HEATR5A: variants seen among roughly 807,000 people sequenced by gnomAD.
HEATR5A encodes the protein HEAT repeat containing 5A.
A neutral mutation model predicts 218.8 loss-of-function variants in HEATR5A; 178 were observed. That is an observed-to-expected ratio of 0.81 (90% confidence interval 0.72 to 0.92). HEATR5A has a LOEUF of 0.92. Among genes scored for constraint, HEATR5A ranks in the 40% least tolerant of loss-of-function variants. HEATR5A has a pLI of 0.00. For synonymous variants in HEATR5A, 864 were observed against 871.6 expected, an observed-to-expected ratio of 0.99 and a Z score of 0.15; for missense variants, 2,420 against 2,418.9, an observed-to-expected ratio of 1.00 and a Z score of -0.01.
Position 31,296,028 on chromosome 14 carries a change from G to C in HEATR5A, c.5500C>G (p.Leu1834Val). Residue 1834 changes from leucine (L) to valine (V), a missense_variant, in exon 34 of 36, where the codon CTA becomes GTA. By Grantham distance (32) the Leu-to-Val change is conservative. Coordinates refer to ENST00000543095, the MANE Select transcript of HEATR5A (RefSeq NM_015473.4). ...ETHQELDEVS[L>V]LTAITVFILS... The stretch of plus-strand genomic sequence containing the variant: ...ATAAACACTGTGATAGCAGTAAGTA[G>C]ACTGACTTCATCAAGTTCTTGGTGT... 1 of 1,613,374 alleles carries C rather than the reference G, an allele frequency of 6.2e-7. No individual in the cohort carries two copies. Among genetic ancestry groups the C allele is most frequent in the Non-Finnish European group, 8.5e-7 (1 of 1,179,442 alleles).
intron 33 of HEATR5A, among the ~76,000 whole-genome samples, chr14:31,301,381 G>C (rs1899367240): frequency 1.3e-5 from 2 of 152,008 alleles, no homozygotes; most frequent in Admixed American, 1.3e-4. Context: ...TCAGCCTCCT[G>C]GGTAGCTAGG....
chr14:31,386,634 G>A, intron 8 of HEATR5A, 59 bp from the exon 9 acceptor site: 1 of 1,452,378 alleles, frequency 6.9e-7, no homozygotes, highest in Non-Finnish European at 9.2e-7. Context: ...TATTGAAAAG[G>A]GTGTGAAGAG....
chr14:31,409,445 A>G (rs1037883172), intron 1 of HEATR5A, among the ~76,000 whole-genome samples: 1 of 151,488 alleles, frequency 6.6e-6, no homozygotes, highest in Admixed American at 6.6e-5. Context: ...CATGCCTGTA[A>G]TCCCAGCACT....
chr14:31,381,332 G>C (rs1330038577), intron 10 of HEATR5A, among the ~76,000 whole-genome samples: 2 of 152,030 alleles, frequency 1.3e-5, no homozygotes, highest in South Asian at 2.1e-4. Flanking sequence ...ATAGTGGTTA[G>C]AGGTAGTCAA....
At chr14:31,316,218 G>A (rs569313024) in intron 26 of HEATR5A, among the ~76,000 whole-genome samples, 1 of 152,074 alleles carries the variant, frequency 6.6e-6, no homozygotes, top group Non-Finnish European at 1.5e-5. Flanking sequence ...TGAGTGTGAG[G>A]CCACAGTGAG....
At chr14:31,330,626 T>C (rs1223797115) in intron 22 of HEATR5A, among the ~76,000 whole-genome samples, 2 of 151,756 alleles carry the variant, frequency 1.3e-5, no homozygotes, top group Admixed American at 6.6e-5. Flanking sequence ...CTGTCTCTAC[T>C]AAAAAATACA....
At chr14:31,296,219 T>C (rs1052483653) in intron 33 of HEATR5A, 156 bp from the exon 34 acceptor site, 2 of 533,510 alleles carry the variant, frequency 3.7e-6, no homozygotes, top group Non-Finnish European at 6.6e-6. Flanking sequence ...TTTTAAGATG[T>C]GCATTATAAG....
At position 31,383,739 on chromosome 14, in the gene HEATR5A, G is replaced by A; in HGVS notation, c.1378C>T (p.His460Tyr). Residue 460 changes from histidine to tyrosine, a missense_variant, in exon 10 of 36, where the codon CAT (histidine) becomes TAT (tyrosine). Transcript: ENST00000543095. ...GCTAGTCGAACAGAAATGCTAGGAT[G>A]AAGAATAACTGACAAGATACTGTCA... ...LLDSILSVIL[H>Y]PSISVRLAAA... 6.2e-7 allele frequency: 1 copy of A among 1,613,462 alleles called. No homozygotes were observed. The highest frequency in any genetic ancestry group is 8.5e-7 in the Non-Finnish European group (1 of 1,179,628).
intron 33 of HEATR5A, among the ~76,000 whole-genome samples, chr14:31,297,911 A>G (rs1489609118): frequency 3.3e-5 from 5 of 152,214 alleles, no homozygotes; most frequent in Non-Finnish European, 7.3e-5. Flanking sequence ...CCCTTACAGC[A>G]AAGTTATTTT....
rs572206195 is a variant in HEATR5A, at chr14:31,325,476, G to A, written c.3547+687C>T. ...ACGGTGCGAGGGGTGGGGTGGGTAT[G>A]TATGAACATATGTATGTATGTATGT... On this transcript the variant is annotated intron_variant, in intron 23 of 35. Coordinates refer to ENST00000543095, the MANE Select transcript of HEATR5A (RefSeq NM_015473.4). Among the ~76,000 whole-genome samples, 11 of 151,388 alleles carry A rather than the reference G, an allele frequency of 7.3e-5. No individual in the cohort carries two copies. In the South Asian group the frequency reaches 2.3e-3, roughly 32 times the overall value.
chr14:31,297,071 A>AG (rs1237599381), intron 33 of HEATR5A: 1 of 152,284 alleles, frequency 6.6e-6, no homozygotes. Flanking sequence ...GGATCACTTG[A>AG]GGTCAGGGGT....
chr14:31,413,568 G>A (rs552516876), intron 1 of HEATR5A, among the ~76,000 whole-genome samples: 1 of 152,108 alleles, frequency 6.6e-6, no homozygotes, highest in South Asian at 2.1e-4. Flanking sequence ...AAAGTGTTCT[G>A]GGGGGTGGGA....
At chr14:31,400,537 C>T in intron 2 of HEATR5A, 25 bp from the exon 3 acceptor site, 2 of 1,417,182 alleles carry the variant, frequency 1.4e-6, no homozygotes, top group Non-Finnish European at 1.9e-6. Flanking sequence ...AACACAAAGA[C>T]AATTCAAAGT....
At chr14:31,339,587 T>C (rs1381662199) in intron 21 of HEATR5A, among the ~76,000 whole-genome samples, 1 of 152,014 alleles carries the variant, frequency 6.6e-6, no homozygotes, top group Non-Finnish European at 1.5e-5. Context: ...TTTGTTGTTG[T>C]TGTTGTTGTT....
At chr14:31,308,066 GT>G in intron 29 of HEATR5A, 46 bp from the exon 30 acceptor site, 1 of 1,515,788 alleles carries the variant, frequency 6.6e-7, no homozygotes, top group Non-Finnish European at 8.9e-7. Context: ...CAAATTATTA[GT>G]TTATGAAATT....
chr14:31,414,916 T>C (rs370466001), intron 1 of HEATR5A, among the ~76,000 whole-genome samples: 2 of 152,140 alleles, frequency 1.3e-5, no homozygotes, highest in South Asian at 2.1e-4. Context: ...TCTCAGCTCA[T>C]TGCAACCTCT....
chr14:31,299,984 C>T (rs1405312696), intron 33 of HEATR5A, among the ~76,000 whole-genome samples: 6 of 151,984 alleles, frequency 3.9e-5, no homozygotes, highest in Non-Finnish European at 5.9e-5. Flanking sequence ...TGCAGTGAGC[C>T]GAGATTGTAC....
Position 31,318,297 on chromosome 14 carries a change from CAAG to C in HEATR5A, c.3970-8_3970-6del. ...TGGTCTAAGCGCTGCTCCTACCTGG[CAAG>C]AAATTACATGACATATCAAACATCA... On this transcript the variant is annotated splice_polypyrimidine_tract_variant and splice_region_variant and intron_variant, in intron 25 of 35. Transcript: ENST00000543095. 6.2e-7 allele frequency: 1 copy of C among 1,611,514 alleles called. No individual in the cohort carries two copies. The highest frequency in any genetic ancestry group is 1.1e-5 in the South Asian group (1 of 91,006).
chr14:31,380,217 T>C (rs2029926112), intron 11 of HEATR5A, among the ~76,000 whole-genome samples: 1 of 152,204 alleles, frequency 6.6e-6, no homozygotes, highest in Non-Finnish European at 1.5e-5. Flanking sequence ...AGATGATTAG[T>C]AACTCGGCTT....
Sources: gnomAD v4.1 joint callset for allele counts (sites outside exome capture counted in the v4.1 genomes callset) on GRCh38, gnomAD v4.1.1 for gene constraint, MANE v1.5 for transcripts, NCBI Gene and HGNC (gene_info 2026-07-23, HGNC 2026-07-21) for gene names.